RXRA: variants seen among roughly 807,000 people sequenced by gnomAD.
RXRA encodes the protein retinoid X receptor alpha.
A neutral mutation model predicts 44.5 loss-of-function variants in RXRA; 5 were observed. That is an observed-to-expected ratio of 0.11 (90% confidence interval 0.06 to 0.24). The LOEUF (loss-of-function observed/expected upper bound fraction) is 0.24, where lower values mean the gene tolerates loss of function less well. Among genes scored for constraint, RXRA ranks in the 10% least tolerant of loss-of-function variants. RXRA has a pLI of 1.00. For synonymous variants in RXRA, 291 were observed against 271.4 expected, an observed-to-expected ratio of 1.07 and a Z score of -0.71; for missense variants, 412 against 646.5, an observed-to-expected ratio of 0.64 and a Z score of 3.93.
At chr9:134,430,143 C>T (rs1053024508) in intron 7 of RXRA, among the ~76,000 whole-genome samples, 4 of 152,234 alleles carry the variant, frequency 2.6e-5, no homozygotes, top group Non-Finnish European at 5.9e-5. Context: ...ACCTCGGCCT[C>T]CCAAAGTGCT....
At chr9:134,375,720 G>A (rs1363311153) in intron 1 of RXRA, among the ~76,000 whole-genome samples, 1 of 152,118 alleles carries the variant, frequency 6.6e-6, no homozygotes, top group African/African-American at 2.4e-5. Flanking sequence ...GGAGAAGCCT[G>A]AGGGCTGGGG....
chr9:134,420,147 G>C (rs1831305164), intron 5 of RXRA, among the ~76,000 whole-genome samples: 1 of 152,214 alleles, frequency 6.6e-6, no homozygotes, highest in African/African-American at 2.4e-5. Flanking sequence ...TGCAGACACG[G>C]TGCTCGGGGC....
chr9:134,411,108 G>A (rs962234827), intron 4 of RXRA, among the ~76,000 whole-genome samples: 1 of 152,188 alleles, frequency 6.6e-6, no homozygotes, highest in African/African-American at 2.4e-5. Context: ...AGCAGTGTCC[G>A]TGAAGTCTGA....
In RXRA at chr9:134,438,062, C is replaced by G. The variant is rs1381815650; in HGVS notation, c.*1448C>G. 2 of 152,770 alleles carry G rather than the reference C, an allele frequency of 1.3e-5. No individual in the cohort carries two copies. The highest frequency in any genetic ancestry group is 1.9e-4 in the East Asian group (1 of 5,176). 9.5% of individuals were successfully genotyped at this position (152,770 alleles called of 1,614,324 possible). A position where few individuals can be genotyped will look rare whatever the true frequency, so the allele number is the denominator to read the frequency against. On this transcript the variant is annotated 3_prime_UTR_variant, in exon 10 of 10. Coordinates refer to ENST00000481739, the MANE Select transcript of RXRA (RefSeq NM_002957.6). ...CGCCTCTTTTGCACTGGAAGGCCCTCCCTTTGGCCTGAGTACTTTTCCCGT... is the reference window on the plus strand; with the variant it reads ...CGCCTCTTTTGCACTGGAAGGCCCTGCCTTTGGCCTGAGTACTTTTCCCGT...
intron 1 of RXRA, among the ~76,000 whole-genome samples, chr9:134,375,222 A>G (rs943637359): frequency 7.2e-5 from 11 of 152,166 alleles, no homozygotes; most frequent in Non-Finnish European, 1.3e-4. Context: ...AGAGCCTGAC[A>G]TGTTCCTGGA....
chr9:134,414,755 A>G (rs1020132894), intron 4 of RXRA, among the ~76,000 whole-genome samples: 1 of 152,176 alleles, frequency 6.6e-6, no homozygotes, highest in Admixed American at 6.5e-5. Context: ...GGTCTCAGGG[A>G]CCTGGGCCAG....
Position 134,357,510 on chromosome 9 carries a change from A to G in RXRA, c.28+30851A>G, listed in dbSNP as rs994566221. 2.6e-5 allele frequency among the ~76,000 whole-genome samples: 4 copies of G among 151,794 alleles called. No individual in the cohort carries two copies. The East Asian group carries it at 7.7e-4, about 29-fold the overall frequency. On this transcript the variant is annotated intron_variant, in intron 1 of 9. Transcript: ENST00000481739. ...TGGTGAGGTCCGTATGTCTACGAGG[A>G]CTGTCCACGCCACGAGCACAGTGGG...
At chr9:134,422,362 C>G (rs115035866) in intron 6 of RXRA, 1 of 1,275,084 alleles carries the variant, frequency 7.8e-7, no homozygotes, top group Non-Finnish European at 1.0e-6. Flanking sequence ...ACACACTCCC[C>G]GCTACCGGGA....
At chr9:134,353,528 T>C (rs1830246776) in intron 1 of RXRA, among the ~76,000 whole-genome samples, 1 of 152,192 alleles carries the variant, frequency 6.6e-6, no homozygotes, top group African/African-American at 2.4e-5. Context: ...TTCAAAGGCG[T>C]GTTCATTGCC....
chr9:134,331,199 G>C (rs1834999671), intron 1 of RXRA, among the ~76,000 whole-genome samples: 1 of 152,200 alleles, frequency 6.6e-6, no homozygotes, highest in Non-Finnish European at 1.5e-5. Flanking sequence ...CAGGTGGGGC[G>C]AGGGACCGCG....
intron 1 of RXRA, among the ~76,000 whole-genome samples, chr9:134,388,986 A>G: frequency 6.6e-6 from 1 of 151,760 alleles, no homozygotes; most frequent in East Asian, 2.0e-4. Flanking sequence ...CAGAGGGCTG[A>G]GACCCGGTGA....
chr9:134,430,076 C>T (rs1259907084), intron 7 of RXRA, among the ~76,000 whole-genome samples: 4 of 152,220 alleles, frequency 2.6e-5, no homozygotes, highest in Non-Finnish European at 4.4e-5. Flanking sequence ...TTAGTAGAGA[C>T]GGGGTTTCAC....
intron 1 of RXRA, among the ~76,000 whole-genome samples, chr9:134,332,964 C>G (rs1470576020): frequency 6.6e-6 from 1 of 152,106 alleles, no homozygotes; most frequent in Non-Finnish European, 1.5e-5. Context: ...GCCTGGGGGT[C>G]GTCTTTCCCG....
At chr9:134,362,302 G>A (rs1000925202) in intron 1 of RXRA, among the ~76,000 whole-genome samples, 2 of 152,090 alleles carry the variant, frequency 1.3e-5, no homozygotes, top group Non-Finnish European at 2.9e-5. Context: ...CTGCCTGGTC[G>A]CCCCTCCTTC....
chr9:134,421,235 C>T (rs1831325003), intron 5 of RXRA, among the ~76,000 whole-genome samples: 1 of 152,232 alleles, frequency 6.6e-6, no homozygotes, highest in Non-Finnish European at 1.5e-5. Flanking sequence ...CATCAAGGTG[C>T]CTGCCGGCTG....
chr9:134,390,677 G>A (rs1830786949), intron 1 of RXRA, among the ~76,000 whole-genome samples: 1 of 152,232 alleles, frequency 6.6e-6, no homozygotes, highest in African/African-American at 2.4e-5. Context: ...GCAGCCCTGG[G>A]AGTGGCAGAG....
rs964728601 is a variant in RXRA at position 134,382,134 on chromosome 9, G to A, written c.29-19498G>A. On this transcript the variant is annotated intron_variant, in intron 1 of 9. Coordinates refer to ENST00000481739, the MANE Select transcript of RXRA (RefSeq NM_002957.6). ...ATGCCCTGCCAGGATGTGGGGGGGC[G>A]CAGGGCAGTGGGCTGAGCCAAGGTG... Among the ~76,000 whole-genome samples, 8 of 148,860 alleles carry A rather than the reference G, an allele frequency of 5.4e-5. No homozygotes were observed. The South Asian group carries it at 1.7e-3, about 32-fold the overall frequency.
At chr9:134,374,938 G>A (rs1830537936) in intron 1 of RXRA, among the ~76,000 whole-genome samples, 1 of 149,914 alleles carries the variant, frequency 6.7e-6, no homozygotes, top group Non-Finnish European at 1.5e-5. Context: ...CCAGGCACTG[G>A]CCAGGGCCCA....
intron 4 of RXRA, among the ~76,000 whole-genome samples, chr9:134,410,611 A>G (rs1357299065): frequency 2.6e-5 from 4 of 152,136 alleles, no homozygotes; most frequent in African/African-American, 9.7e-5. Flanking sequence ...GGAAACTGGG[A>G]CAGGGGCAGG....
Sources: allele counts gnomAD v4.1 joint callset (sites outside exome capture counted in the v4.1 genomes callset), GRCh38; gene constraint gnomAD v4.1.1; transcripts MANE v1.5; gene names NCBI Gene and HGNC (gene_info 2026-07-23, HGNC 2026-07-21).